DPYD: variants seen among roughly 807,000 people sequenced by gnomAD.
The protein encoded by DPYD is dihydropyrimidine dehydrogenase [NADP(+)].
In DPYD, 109 loss-of-function variants were observed where a neutral mutation model predicts 116.2. The ratio of observed to expected loss-of-function variants is 0.94; its 90% CI spans 0.80 to 1.10. The LOEUF is 1.10. Among genes scored for constraint, DPYD ranks in the 50% least tolerant of loss-of-function variants. The pLI is 0.00. For synonymous variants in DPYD, 440 were observed against 432.0 expected, an observed-to-expected ratio of 1.02 and a Z score of -0.23; for missense variants, 1,302 against 1,254.5, an observed-to-expected ratio of 1.04 and a Z score of -0.57.
chr1:97,870,488 T>C (rs1040703509), intron 2 of DPYD, among the ~76,000 whole-genome samples: 1 of 151,778 alleles, frequency 6.6e-6, no homozygotes, highest in Non-Finnish European at 1.5e-5. Context: ...ATATTCATTT[T>C]AAGTGCATGA....
intron 15 of DPYD, among the ~76,000 whole-genome samples, chr1:97,381,105 C>T (rs530262505): frequency 3.3e-5 from 5 of 152,222 alleles, no homozygotes; most frequent in African/African-American, 1.2e-4. Flanking sequence ...TTTGATTGAA[C>T]AAAAGGCATA....
At chr1:97,749,046 C>T (rs1045565072) in intron 3 of DPYD, among the ~76,000 whole-genome samples, 2 of 152,162 alleles carry the variant, frequency 1.3e-5, no homozygotes, top group African/African-American at 2.4e-5. Flanking sequence ...TGACAAAAGA[C>T]GCTTTCCTTT....
chr1:97,863,911 C>T (rs1171634455), intron 2 of DPYD, among the ~76,000 whole-genome samples: 3 of 151,826 alleles, frequency 2.0e-5, no homozygotes, highest in East Asian at 3.9e-4. Context: ...GAATACAGAC[C>T]AGCCTAATTT....
chr1:97,647,442 A>G (rs1296410997), intron 8 of DPYD, among the ~76,000 whole-genome samples: 6 of 152,056 alleles, frequency 3.9e-5, no homozygotes, highest in African/African-American at 1.4e-4. Flanking sequence ...AATAAGAACA[A>G]TAACAGAACC....
chr1:97,606,236 T>C (rs1655586682), intron 8 of DPYD, among the ~76,000 whole-genome samples: 1 of 152,064 alleles, frequency 6.6e-6, no homozygotes, highest in African/African-American at 2.4e-5. Context: ...AACACCATAT[T>C]AGGTGATGAA....
chr1:97,773,386 G>C (rs994008683), intron 3 of DPYD, among the ~76,000 whole-genome samples: 1 of 6,070 alleles, frequency 1.6e-4, no homozygotes, highest in African/African-American at 2.1e-4. Context: ...TGATACAGGA[G>C]AAGGGCAGGG....
chr1:97,086,081 T>C (rs1649490453), intron 21 of DPYD, among the ~76,000 whole-genome samples: 1 of 152,158 alleles, frequency 6.6e-6, no homozygotes, highest in African/African-American at 2.4e-5. Flanking sequence ...TGAGACAGAG[T>C]CTCGCTCTGT....
At position 97,576,068 on chromosome 1, in the gene DPYD, T is replaced by A. The variant is rs1269498208; in HGVS notation, c.1129-2098A>T. On this transcript the variant is annotated intron_variant, in intron 10 of 22. Transcript: ENST00000370192. Reference sequence around the variant, plus strand: ...TAGTTTTCTACAAAATAAAAATGTATGATTTCTGGAAGGCAAATTATTCCT... The same window carrying A: ...TAGTTTTCTACAAAATAAAAATGTAAGATTTCTGGAAGGCAAATTATTCCT... 2.0e-5 allele frequency among the ~76,000 whole-genome samples: 3 copies of A among 152,198 alleles called. No individual in the cohort carries two copies. In the East Asian group the frequency reaches 5.8e-4, roughly 29 times the overall value.
At chr1:97,894,780 G>C (rs1402140109) in intron 1 of DPYD, among the ~76,000 whole-genome samples, 3 of 151,368 alleles carry the variant, frequency 2.0e-5, no homozygotes, top group African/African-American at 4.8e-5. Context: ...TATATAAAAT[G>C]GGATAACCTA....
intron 11 of DPYD, among the ~76,000 whole-genome samples, chr1:97,562,410 C>T (rs536762384): frequency 1.6e-4 from 24 of 152,134 alleles, no homozygotes; most frequent in Non-Finnish European, 2.9e-4. Flanking sequence ...ATGCAACATG[C>T]TTGCCATTCT....
intron 1 of DPYD, among the ~76,000 whole-genome samples, chr1:97,884,902 A>G (rs373830432): frequency 1.3e-5 from 2 of 152,094 alleles, no homozygotes; most frequent in South Asian, 4.1e-4. Context: ...TACTCTTATA[A>G]CTTTGAGTAA....
chr1:97,156,215 T>C (rs1655442188), intron 20 of DPYD, among the ~76,000 whole-genome samples: 1 of 152,172 alleles, frequency 6.6e-6, no homozygotes. Context: ...ACTTTAATAA[T>C]ACCTAAGAAG....
chr1:97,260,605 T>C (rs1002899533), intron 18 of DPYD, among the ~76,000 whole-genome samples: 2 of 152,120 alleles, frequency 1.3e-5, no homozygotes, highest in African/African-American at 4.8e-5. Context: ...GTTTCAGTAA[T>C]TTATGAAATA....
At chr1:97,672,804 G>T (rs1659939992) in intron 8 of DPYD, among the ~76,000 whole-genome samples, 1 of 151,812 alleles carries the variant, frequency 6.6e-6, no homozygotes, top group South Asian at 2.1e-4. Flanking sequence ...TTAACTAAAG[G>T]CCACTCTGTA....
chr1:97,605,571 C>G (rs2100735043), intron 8 of DPYD, among the ~76,000 whole-genome samples: 1 of 152,142 alleles, frequency 6.6e-6, no homozygotes, highest in South Asian at 2.1e-4. Flanking sequence ...AAACCTCTAT[C>G]CTTTATAAAT....
At chr1:97,753,754 T>C (rs931255600) in intron 3 of DPYD, among the ~76,000 whole-genome samples, 4 of 151,956 alleles carry the variant, frequency 2.6e-5, no homozygotes, top group African/African-American at 4.8e-5. Flanking sequence ...GTAGAAATAC[T>C]AGACAAAATA....
intron 18 of DPYD, among the ~76,000 whole-genome samples, chr1:97,277,636 T>C (rs1325470780): frequency 1.3e-5 from 2 of 152,164 alleles, no homozygotes; most frequent in Non-Finnish European, 2.9e-5. Context: ...AAACATATTC[T>C]GAACACAACA....
intron 18 of DPYD, among the ~76,000 whole-genome samples, chr1:97,242,367 G>A (rs986221438): frequency 1.2e-4 from 18 of 150,518 alleles, no homozygotes; most frequent in African/African-American, 3.6e-4. Context: ...AAATTGACAC[G>A]CAAATAGCTC....
intron 20 of DPYD, among the ~76,000 whole-genome samples, chr1:97,117,598 G>A (rs901576474): frequency 4.5e-4 from 68 of 152,130 alleles, no homozygotes; most frequent in African/African-American, 1.6e-3. Flanking sequence ...CTAGAATGTC[G>A]AAGATGCAAT....
Sources: gnomAD v4.1 joint callset for allele counts (sites outside exome capture counted in the v4.1 genomes callset) on GRCh38, gnomAD v4.1.1 for gene constraint, MANE v1.5 for transcripts, NCBI Gene and HGNC (gene_info 2026-07-23, HGNC 2026-07-21) for gene names.